The following GFRAL variants were observed in gnomAD, a reference collection of about 807,000 sequenced individuals.
GFRAL encodes GDNF family receptor alpha like.
GFRAL carries 36 observed loss-of-function variants against 45.4 expected under a neutral mutation model. The ratio of observed to expected loss-of-function variants is 0.79; its 90% CI spans 0.61 to 1.05. The LOEUF (loss-of-function observed/expected upper bound fraction) is 1.05. GFRAL is among the 50% of genes least tolerant of loss of function. The pLI is 0.00. For missense variants in GFRAL, 507 were observed against 467.5 expected (o/e 1.08, Z -0.78); for synonymous variants, 166 against 154.1 (o/e 1.08, Z -0.57).
intron 6 of GFRAL, among the ~76,000 whole-genome samples, chr6:55,360,463 T>C (rs1768258584): frequency 6.6e-6 from 1 of 152,048 alleles, no homozygotes; most frequent in African/African-American, 2.4e-5. Context: ...TTTATATTTC[T>C]ATTTTTCTTT....
rs1279884928 is a variant in GFRAL, at chr6:55,380,410, C to T, written c.953-18770C>T. Among the ~76,000 whole-genome samples the T allele has an allele frequency of 5.9e-5, 9 of 151,874 alleles. No individual in the cohort carries two copies. In the East Asian group the frequency reaches 1.5e-3, roughly 26 times the overall value. ...TTTTTGGTTCTCAAATCTGGCTAAT[C>T]CTCAGAAATATATACAGAGTGTGTT... On this transcript the variant is annotated intron_variant, in intron 6 of 8. Transcript: ENST00000340465.
intron 3 of GFRAL, among the ~76,000 whole-genome samples, chr6:55,334,675 C>G (rs1464721916): frequency 1.3e-5 from 1 of 76,918 alleles, no homozygotes; most frequent in African/African-American, 4.6e-5. Flanking sequence ...CTCATCTACA[C>G]GGAATGGTCT....
At chr6:55,398,490 T>A (rs1390425760) in intron 6 of GFRAL, among the ~76,000 whole-genome samples, 3 of 152,200 alleles carry the variant, frequency 2.0e-5, no homozygotes, top group Non-Finnish European at 2.9e-5. Context: ...CTAAAAGAGA[T>A]CTATCAGTTA....
rs1353376517 is a variant in GFRAL at position 55,352,166 on chromosome 6, C to A, written c.701+583C>A. Among the ~76,000 whole-genome samples the A allele has an allele frequency of 3.3e-5, 5 of 152,184 alleles. No individual in the cohort carries two copies. The East Asian group carries it at 5.8e-4, about 18-fold the overall frequency. On this transcript the variant is annotated intron_variant, in intron 5 of 8. Coordinates refer to ENST00000340465, the MANE Select transcript of GFRAL (RefSeq NM_207410.2). ...ACATGGAGTTCCCAAGGAGGCAGTT[C>A]TCCTTAGTACTTCTCATTCACTTTG...
chr6:55,373,875 C>T (rs1172255822), intron 6 of GFRAL, among the ~76,000 whole-genome samples: 1 of 152,012 alleles, frequency 6.6e-6, no homozygotes, highest in African/African-American at 2.4e-5. Context: ...CATCCATTAG[C>T]TATTCTTCCT....
chr6:55,393,729 A>G (rs1195749321), intron 6 of GFRAL, among the ~76,000 whole-genome samples: 1 of 152,204 alleles, frequency 6.6e-6, no homozygotes, highest in Non-Finnish European at 1.5e-5. Flanking sequence ...GAGATTTAAT[A>G]TACCAAAGAG....
At chr6:55,385,239 G>T (rs1020225817) in intron 6 of GFRAL, among the ~76,000 whole-genome samples, 6 of 151,986 alleles carry the variant, frequency 3.9e-5, no homozygotes, top group African/African-American at 1.4e-4. Flanking sequence ...TCATGGATCT[G>T]CTTGCCACTT....
At chr6:55,346,788 G>C (rs558599569) in intron 3 of GFRAL, among the ~76,000 whole-genome samples, 19 of 148,642 alleles carry the variant, frequency 1.3e-4, no homozygotes, top group African/African-American at 4.4e-4. Context: ...ATTTTATCTT[G>C]GTGGAAATAA....
intron 6 of GFRAL, among the ~76,000 whole-genome samples, chr6:55,389,521 T>A (rs1318865667): frequency 2.0e-5 from 3 of 152,062 alleles, no homozygotes; most frequent in Admixed American, 2.0e-4. Context: ...GCAAGTTACC[T>A]TACATGCCTT....
chr6:55,401,919 T>C lies in GFRAL; in HGVS notation c.*66T>C. 1.2e-6 allele frequency: 1 copy of C among 806,592 alleles called. No individual in the cohort carries two copies. Among genetic ancestry groups the C allele is most frequent in the South Asian group, 1.5e-5 (1 of 67,668 alleles). The allele number at this position is 806,592 out of a possible 1,614,324, so 50.0% of individuals were successfully genotyped here. ...CTGCTTTTCTTCTTTCCTCTTTTCT[T>C]CTCTCCTCTCCTCTCCTCTCTTCTC... is the stretch of plus-strand genomic sequence containing the variant. On this transcript the variant is annotated 3_prime_UTR_variant, in exon 9 of 9. Coordinates refer to ENST00000340465, the MANE Select transcript of GFRAL (RefSeq NM_207410.2).
At chr6:55,330,284 T>G (rs1392182078) in intron 1 of GFRAL, among the ~76,000 whole-genome samples, 1 of 152,128 alleles carries the variant, frequency 6.6e-6, no homozygotes, top group Admixed American at 6.6e-5. Flanking sequence ...ATTTATTGAA[T>G]ACCTATACTG....
chr6:55,361,783 C>T (rs895695700), intron 6 of GFRAL, among the ~76,000 whole-genome samples: 1 of 152,046 alleles, frequency 6.6e-6, no homozygotes, highest in Non-Finnish European at 1.5e-5. Flanking sequence ...CTAGCACTCT[C>T]ATGAATTTTC....
intron 6 of GFRAL, 111 bp from the exon 7 acceptor site, chr6:55,399,069 A>T (rs566901892): frequency 1.8e-6 from 1 of 559,196 alleles, no homozygotes; most frequent in Admixed American, 3.7e-5. Flanking sequence ...TCAGATTAAA[A>T]TAATGTAATG....
intron 6 of GFRAL, among the ~76,000 whole-genome samples, chr6:55,385,264 A>G (rs1210132339): frequency 6.6e-6 from 1 of 152,094 alleles, no homozygotes; most frequent in Non-Finnish European, 1.5e-5. Flanking sequence ...TCCACATTGT[A>G]AAATGATGAC....
intron 6 of GFRAL, among the ~76,000 whole-genome samples, chr6:55,365,991 A>T (rs2127359227): frequency 1.3e-5 from 2 of 148,922 alleles, no homozygotes; most frequent in South Asian, 4.3e-4. Context: ...TTTTCTATTG[A>T]TTGGAATAGT....
At chr6:55,360,032 A>T (rs781101535) in intron 6 of GFRAL, among the ~76,000 whole-genome samples, 4 of 152,024 alleles carry the variant, frequency 2.6e-5, no homozygotes, top group African/African-American at 9.7e-5. Context: ...AATGGAAAAC[A>T]TATTTTCCGA....
intron 6 of GFRAL, among the ~76,000 whole-genome samples, chr6:55,389,059 T>C (rs899961347): frequency 6.6e-6 from 1 of 152,194 alleles, no homozygotes; most frequent in Admixed American, 6.5e-5. Context: ...CCTGACTGTA[T>C]AGATATATGC....
intron 4 of GFRAL, among the ~76,000 whole-genome samples, chr6:55,350,382 A>G (rs1768100022): frequency 6.6e-6 from 1 of 152,038 alleles, no homozygotes; most frequent in African/African-American, 2.4e-5. Flanking sequence ...AATAATTAAA[A>G]CCAAATACTA....
intron 6 of GFRAL, among the ~76,000 whole-genome samples, chr6:55,374,412 C>A (rs1368006991): frequency 6.6e-6 from 1 of 152,076 alleles, no homozygotes; most frequent in Non-Finnish European, 1.5e-5. Flanking sequence ...TGTTTGTTGG[C>A]CACATGAATG....
Sources: allele counts gnomAD v4.1 joint callset (sites outside exome capture counted in the v4.1 genomes callset), GRCh38; gene constraint gnomAD v4.1.1; transcripts MANE v1.5; gene names NCBI Gene and HGNC (gene_info 2026-07-23, HGNC 2026-07-21).